VPS54: variants seen among roughly 807,000 people sequenced by gnomAD.
VPS54 encodes the protein VPS54 subunit of GARP complex.
VPS54 carries 45 observed loss-of-function variants against 121.5 expected under a neutral mutation model. The ratio of observed to expected loss-of-function variants is 0.37; its 90% CI spans 0.29 to 0.47. The LOEUF (loss-of-function observed/expected upper bound fraction) is 0.47, where lower values mean the gene tolerates loss of function less well. VPS54 is among the 20% of genes least tolerant of loss of function. The probability of loss-of-function intolerance (pLI) is 0.99; values close to 1 mark genes in which losing one functional copy is unlikely to be tolerated. For missense variants in VPS54, 1,090 were observed against 1,131.4 expected (o/e 0.96, Z 0.52); for synonymous variants, 371 against 385.8 (o/e 0.96, Z 0.45).
intron 3 of VPS54, among the ~76,000 whole-genome samples, chr2:63,979,342 C>T (rs1676697791): frequency 1.3e-5 from 2 of 151,422 alleles, no homozygotes; most frequent in South Asian, 4.2e-4. Flanking sequence ...CAGTTTCAAG[C>T]TATTCTCCCA....
At chr2:63,917,213 A>G (rs1404045647) in intron 15 of VPS54, among the ~76,000 whole-genome samples, 2 of 152,086 alleles carry the variant, frequency 1.3e-5, no homozygotes, top group Non-Finnish European at 2.9e-5. Context: ...CTCTTTGAGT[A>G]TCACTATCTG....
intron 15 of VPS54, among the ~76,000 whole-genome samples, chr2:63,917,682 A>T (rs146420346): frequency 6.6e-6 from 1 of 152,106 alleles, no homozygotes; most frequent in African/African-American, 2.4e-5. Flanking sequence ...TTGCAATCAC[A>T]ATTTACTATG....
At chr2:63,897,439 CTG>C in intron 22 of VPS54, 55 bp downstream of exon 22, 2 of 1,213,386 alleles carry the variant, frequency 1.6e-6, no homozygotes, top group Non-Finnish European at 2.4e-6. Flanking sequence ...ATAATCAAAA[CTG>C]ATCATTAAAA....
chr2:63,928,991 C>A (rs1343200807), intron 12 of VPS54, among the ~76,000 whole-genome samples: 1 of 151,978 alleles, frequency 6.6e-6, no homozygotes, highest in African/African-American at 2.4e-5. Flanking sequence ...TATATACAAC[C>A]AATACAGGAG....
chr2:63,996,771 G>A (rs1402833295), intron 1 of VPS54, among the ~76,000 whole-genome samples: 1 of 152,108 alleles, frequency 6.6e-6, no homozygotes, highest in Non-Finnish European at 1.5e-5. Context: ...CTAGTCTCCT[G>A]CAGCACCCCC....
chr2:63,915,817 T>C (rs1001674475), intron 16 of VPS54, among the ~76,000 whole-genome samples: 3 of 152,168 alleles, frequency 2.0e-5, no homozygotes, highest in African/African-American at 7.2e-5. Context: ...GAAAAAGGAT[T>C]AATTCTATAC....
intron 3 of VPS54, chr2:63,975,032 CAG>C (rs753062745): frequency 6.5e-7 from 1 of 1,548,940 alleles, no homozygotes. Context: ...CCATTAGCTA[CAG>C]AGTTTTTGTA....
At chr2:63,968,165 C>G (rs1285315947) in intron 5 of VPS54, among the ~76,000 whole-genome samples, 1 of 152,052 alleles carries the variant, frequency 6.6e-6, no homozygotes, top group African/African-American at 2.4e-5. Context: ...ATTTGAGAAT[C>G]TGATGAAGGT....
Position 63,919,899 on chromosome 2 carries a change from A to T in VPS54, c.2148T>A (p.Pro716=). 6.2e-7 allele frequency: 1 copy of T among 1,607,640 alleles called. No individual in the cohort carries two copies. Among genetic ancestry groups the T allele is most frequent in the South Asian group, 1.1e-5 (1 of 89,974 alleles). ...TACACATACCTCCTGATTTTTTTTC[A>T]GGTAAAGCAATCTTCCCATCTGACA... ...DSLSDGKIAL[P]EKKSGATEER... is the part of the protein sequence containing the mutation. Residue 716 remains proline (P), a synonymous_variant, in exon 15 of 23, where the codon CCT becomes CCA. Transcript: ENST00000272322.
chr2:64,007,123 C>G (rs1339433002), intron 1 of VPS54, among the ~76,000 whole-genome samples: 1 of 152,168 alleles, frequency 6.6e-6, no homozygotes, highest in East Asian at 1.9e-4. Context: ...CCAATATGGG[C>G]AGACATAACT....
intron 1 of VPS54, among the ~76,000 whole-genome samples, chr2:63,992,659 A>C (rs1016913629): frequency 1.3e-5 from 2 of 152,236 alleles, no homozygotes; most frequent in African/African-American, 4.8e-5. Context: ...TCCCGCTGGA[A>C]TTCTCCTGTG....
At chr2:64,007,897 C>G (rs190751953) in intron 1 of VPS54, among the ~76,000 whole-genome samples, 13 of 151,890 alleles carry the variant, frequency 8.6e-5, no homozygotes, top group Admixed American at 2.0e-4. Context: ...AGAAAGGATA[C>G]TGGATTAAGA....
chr2:63,927,500 C>T (rs569166854), intron 12 of VPS54, among the ~76,000 whole-genome samples: 62 of 152,210 alleles, frequency 4.1e-4, no homozygotes, highest in Middle Eastern at 3.4e-3. Context: ...AAAATCCCAT[C>T]GACAGGTCAC....
intron 8 of VPS54, among the ~76,000 whole-genome samples, chr2:63,948,390 CA>C (rs2104525415): frequency 6.7e-6 from 1 of 148,924 alleles, no homozygotes; most frequent in South Asian, 2.1e-4. Flanking sequence ...GGGTAATTAC[CA>C]TATGATAATG....
chr2:64,015,213 T>C lies in VPS54; in HGVS notation c.-21+3725A>G, dbSNP rs982067593. Among the ~76,000 whole-genome samples the C allele has an allele frequency of 2.0e-4, 30 of 152,134 alleles. 1 individual carries two copies. Among genetic ancestry groups the C allele is most frequent in the Admixed American group, 1.6e-3 (25 of 15,278 alleles). ...ATGCAAAAATAACAATTCAAAACAA[T>C]AGTAGTCCAAATTTGCAGTAAATTA... On this transcript the variant is annotated intron_variant, in intron 1 of 22. Coordinates refer to ENST00000272322, the MANE Select transcript of VPS54 (RefSeq NM_016516.3).
At chr2:63,967,767 A>T (rs1220509312) in intron 5 of VPS54, among the ~76,000 whole-genome samples, 3 of 150,362 alleles carry the variant, frequency 2.0e-5, no homozygotes, top group Non-Finnish European at 4.4e-5. Context: ...AAATCCTTAA[A>T]GGGGTAGCAG....
intron 1 of VPS54, among the ~76,000 whole-genome samples, chr2:63,986,495 T>G (rs952272220): frequency 3.9e-5 from 6 of 152,234 alleles, no homozygotes; most frequent in Admixed American, 1.3e-4. Context: ...CACATTTTCT[T>G]TACTCATTCG....
chr2:63,979,384 C>T (rs915060289), intron 3 of VPS54, among the ~76,000 whole-genome samples: 3 of 151,936 alleles, frequency 2.0e-5, no homozygotes, highest in South Asian at 4.2e-4. Context: ...GGATTACAGG[C>T]ACCTGCCATC....
intron 6 of VPS54, among the ~76,000 whole-genome samples, chr2:63,964,637 A>G (rs1027331871): frequency 6.6e-6 from 1 of 152,192 alleles, no homozygotes; most frequent in Non-Finnish European, 1.5e-5. Context: ...AATGTTGCCA[A>G]AGGAAAAAGC....
Sources: gnomAD v4.1 joint callset for allele counts (sites outside exome capture counted in the v4.1 genomes callset) on GRCh38, gnomAD v4.1.1 for gene constraint, MANE v1.5 for transcripts, NCBI Gene and HGNC (gene_info 2026-07-23, HGNC 2026-07-21) for gene names.